Variants in CSNK2A2IP observed in about 807,000 individuals in gnomAD.
CSNK2A2IP encodes the protein casein kinase II subunit alpha'-interacting protein.
the CSNK2A2IP span, chr3:88,382,569 G>T: frequency 3.9e-5 from 6 of 152,124 alleles, no homozygotes; most frequent in Admixed American, 2.0e-4. Flanking sequence ...TTGCTGTTGT[G>T]GTTTCTATCT....
the CSNK2A2IP span, among the ~76,000 whole-genome samples, chr3:88,380,599 G>C: frequency 1.3e-5 from 2 of 151,900 alleles, no homozygotes; most frequent in African/African-American, 2.4e-5. Flanking sequence ...AGAAAAAACA[G>C]CTATTTCTAG....
At chr3:88,457,802 T>A in the CSNK2A2IP span, among the ~76,000 whole-genome samples, 1 of 151,988 alleles carries the variant, frequency 6.6e-6, no homozygotes, top group African/African-American at 2.4e-5. Flanking sequence ...TCCTCCATTT[T>A]AATTTTATGA....
the CSNK2A2IP span, among the ~76,000 whole-genome samples, chr3:88,426,197 C>T: frequency 1.3e-5 from 2 of 151,944 alleles, no homozygotes; most frequent in Admixed American, 6.6e-5. Flanking sequence ...CTTGTTTTTG[C>T]TTTTTTGATA....
the CSNK2A2IP span, among the ~76,000 whole-genome samples, chr3:88,361,543 T>C: frequency 6.6e-6 from 1 of 152,206 alleles, no homozygotes; most frequent in African/African-American, 2.4e-5. Context: ...GCTTTTAAAA[T>C]ATTTTCTTTA....
At chr3:88,466,531 C>T in the CSNK2A2IP span, 2 of 1,231,748 alleles carry the variant, frequency 1.6e-6, no homozygotes, top group Non-Finnish European at 2.0e-6. Flanking sequence ...AGGTTTCAGA[C>T]TCCAGAGTAA....
the CSNK2A2IP span, among the ~76,000 whole-genome samples, chr3:88,386,040 C>G: frequency 6.6e-6 from 1 of 152,058 alleles, no homozygotes; most frequent in Non-Finnish European, 1.5e-5. Context: ...AAAATTGATT[C>G]ATTTGGGAGA....
At chr3:88,429,513 A>C in the CSNK2A2IP span, among the ~76,000 whole-genome samples, 3 of 152,144 alleles carry the variant, frequency 2.0e-5, no homozygotes, top group Non-Finnish European at 2.9e-5. Context: ...AATTTAGGGC[A>C]GAAAATTCAT....
the CSNK2A2IP span, among the ~76,000 whole-genome samples, chr3:88,402,383 G>T: frequency 6.6e-6 from 1 of 151,950 alleles, no homozygotes; most frequent in South Asian, 2.1e-4. Context: ...AATTGACCAG[G>T]ATCCAGCATT....
the CSNK2A2IP span, among the ~76,000 whole-genome samples, chr3:88,463,740 G>A: frequency 3.9e-5 from 6 of 152,254 alleles, no homozygotes; most frequent in South Asian, 2.1e-4. Flanking sequence ...GGAAGTTGGC[G>A]TGGTGATTCC....
chr3:88,410,690 A>G, the CSNK2A2IP span, among the ~76,000 whole-genome samples: 1 of 152,104 alleles, frequency 6.6e-6, no homozygotes, highest in South Asian at 2.1e-4. Flanking sequence ...ATGAAATCCA[A>G]TATGAATTTA....
At chr3:88,340,149 T>A in the CSNK2A2IP span, among the ~76,000 whole-genome samples, 1 of 152,018 alleles carries the variant, frequency 6.6e-6, no homozygotes, top group East Asian at 1.9e-4. Flanking sequence ...AGTATGCTTA[T>A]AGCTAAGTAA....
chr3:88,419,176 CAT>C, the CSNK2A2IP span, among the ~76,000 whole-genome samples: 2 of 152,120 alleles, frequency 1.3e-5, no homozygotes, highest in Non-Finnish European at 2.9e-5. Flanking sequence ...TAATAATAGA[CAT>C]AAAGTGCACA....
At chr3:88,396,104 C>CTTTTT in the CSNK2A2IP span, among the ~76,000 whole-genome samples, 3 of 115,362 alleles carry the variant, frequency 2.6e-5, no homozygotes, top group Non-Finnish European at 3.7e-5. Flanking sequence ...CTACCTACTT[C>CTTTTT]TTTTTTTTTT....
chr3:88,354,998 G>C, the CSNK2A2IP span, among the ~76,000 whole-genome samples: 1 of 152,094 alleles, frequency 6.6e-6, no homozygotes, highest in Non-Finnish European at 1.5e-5. Context: ...TAGGAACCAA[G>C]AACCTTGGCT....
chr3:88,366,981 C>T, the CSNK2A2IP span, among the ~76,000 whole-genome samples: 1 of 152,018 alleles, frequency 6.6e-6, no homozygotes, highest in East Asian at 1.9e-4. Context: ...GACTTATTCA[C>T]TACCATGAGA....
the CSNK2A2IP span, among the ~76,000 whole-genome samples, chr3:88,435,303 C>T: frequency 6.6e-6 from 1 of 152,060 alleles, no homozygotes; most frequent in African/African-American, 2.4e-5. Flanking sequence ...GCACTCTTCA[C>T]AGAAATTCAT....
chr3:88,380,436 A>T, the CSNK2A2IP span, among the ~76,000 whole-genome samples: 4,742 of 151,718 alleles, frequency 0.031, 180 homozygotes, highest in African/African-American at 0.091. Context: ...TTAATGTTTA[A>T]TTTTCTTAAA....
At chr3:88,421,893 T>C in the CSNK2A2IP span, among the ~76,000 whole-genome samples, 5 of 152,150 alleles carry the variant, frequency 3.3e-5, no homozygotes, top group East Asian at 9.6e-4. Context: ...AGAAACAATT[T>C]TCTTCAAAGG....
the CSNK2A2IP span, among the ~76,000 whole-genome samples, chr3:88,373,784 T>C: frequency 4.1e-4 from 62 of 151,256 alleles, no homozygotes; most frequent in Admixed American, 2.4e-3. Context: ...AGATTACCAA[T>C]ATAAAAAATA....
Sources: allele counts gnomAD v4.1 joint callset (sites outside exome capture counted in the v4.1 genomes callset), GRCh38; gene constraint gnomAD v4.1.1; transcripts MANE v1.5; gene names NCBI Gene and HGNC (gene_info 2026-07-23, HGNC 2026-07-21).